ZRANB3: variants seen among roughly 807,000 people sequenced by gnomAD.
ZRANB3 encodes the protein zinc finger RANBP2-type containing 3.
A neutral mutation model predicts 133.8 loss-of-function variants in ZRANB3; 125 were observed. That is an observed-to-expected ratio of 0.93 (90% CI 0.81 to 1.08). The LOEUF (loss-of-function observed/expected upper bound fraction) is 1.08. Among genes scored for constraint, ZRANB3 ranks in the 50% least tolerant of loss-of-function variants. The pLI is 0.00. For synonymous variants in ZRANB3, 387 were observed against 432.7 expected, an observed-to-expected ratio of 0.89 and a Z score of 1.31; for missense variants, 1,229 against 1,275.5, an observed-to-expected ratio of 0.96 and a Z score of 0.56.
chr2:135,355,071 G>A (rs1291047405), intron 3 of ZRANB3, among the ~76,000 whole-genome samples: 1 of 152,164 alleles, frequency 6.6e-6, no homozygotes, highest in African/African-American at 2.4e-5. Flanking sequence ...TTTAAATGCT[G>A]AGCAAAACTA....
intron 2 of ZRANB3, among the ~76,000 whole-genome samples, chr2:135,416,919 A>G (rs1433710781): frequency 2.6e-5 from 4 of 152,210 alleles, no homozygotes; most frequent in African/African-American, 7.2e-5. Context: ...TAAAAAGCTG[A>G]AACTGGATCC....
chr2:135,220,950 G>A (rs555442352), intron 15 of ZRANB3, among the ~76,000 whole-genome samples: 13 of 149,094 alleles, frequency 8.7e-5, no homozygotes, highest in Admixed American at 6.8e-5. Context: ...TGTACCTCCC[G>A]GGTTCAAGCG....
chr2:135,414,366 C>T (rs1295907903), intron 2 of ZRANB3, among the ~76,000 whole-genome samples: 1 of 152,136 alleles, frequency 6.6e-6, no homozygotes, highest in Non-Finnish European at 1.5e-5. Context: ...AAGGCCATTA[C>T]ATGGTGGTAA....
At position 135,275,769 on chromosome 2, in the gene ZRANB3, G is replaced by C; in HGVS notation, c.967-14C>G. On this transcript the variant is annotated splice_polypyrimidine_tract_variant and intron_variant, in intron 8 of 20. Transcript: ENST00000264159. Reference sequence around the variant, plus strand: ...TACAGCACCTGCCTAAATATTAAAAGGTAAACCTTATTAGTGTCATAAAAA... The same window carrying C: ...TACAGCACCTGCCTAAATATTAAAACGTAAACCTTATTAGTGTCATAAAAA... 6.6e-7 allele frequency: 1 copy of C among 1,520,030 alleles called. No individual in the cohort carries two copies. Among genetic ancestry groups the C allele is most frequent in the Non-Finnish European group, 8.9e-7 (1 of 1,129,500 alleles). The allele number at this position is 1,520,030 out of a possible 1,614,324, so 94.2% of individuals were successfully genotyped here. A position where few individuals can be genotyped will look rare whatever the true frequency, so the allele number is the denominator to read the frequency against.
At chr2:135,505,871 T>C (rs1693159352) in intron 1 of ZRANB3, among the ~76,000 whole-genome samples, 1 of 152,296 alleles carries the variant, frequency 6.6e-6, no homozygotes, top group South Asian at 2.1e-4. Context: ...GAAGGATGAT[T>C]AATTATAATA....
At chr2:135,483,575 C>T (rs1206129081) in intron 2 of ZRANB3, among the ~76,000 whole-genome samples, 6 of 151,954 alleles carry the variant, frequency 3.9e-5, no homozygotes, top group African/African-American at 1.2e-4. Context: ...CTCCTGGATT[C>T]ATTAATTTTT....
At chr2:135,340,104 CTTTT>C (rs769541283) in intron 6 of ZRANB3, among the ~76,000 whole-genome samples, 1 of 123,776 alleles carries the variant, frequency 8.1e-6, no homozygotes, top group African/African-American at 2.9e-5. Flanking sequence ...TGTCCCTTTT[CTTTT>C]TTTTTTTTTT....
At chr2:135,405,879 A>C (rs557001494) in intron 2 of ZRANB3, among the ~76,000 whole-genome samples, 3 of 152,336 alleles carry the variant, frequency 2.0e-5, no homozygotes, top group African/African-American at 7.2e-5. Context: ...GAAAGATCTA[A>C]AATTGACACC....
At chr2:135,401,626 G>T (rs1377919644) in intron 2 of ZRANB3, among the ~76,000 whole-genome samples, 3 of 152,058 alleles carry the variant, frequency 2.0e-5, no homozygotes, top group Admixed American at 1.3e-4. Flanking sequence ...GTTAAAATAG[G>T]GTTGACTCAG....
At chr2:135,309,510 C>T (rs1344589734) in intron 8 of ZRANB3, among the ~76,000 whole-genome samples, 1 of 152,222 alleles carries the variant, frequency 6.6e-6, no homozygotes, top group Admixed American at 6.5e-5. Flanking sequence ...CAAAAATCCA[C>T]AAGAACTAAT....
intron 20 of ZRANB3, 43 bp from the exon 21 acceptor site, chr2:135,200,483 G>A: frequency 6.8e-7 from 1 of 1,471,210 alleles, no homozygotes; most frequent in Non-Finnish European, 9.3e-7. Context: ...TAGGAAAAAA[G>A]CACCGGCTAC....
At chr2:135,507,272 G>A (rs1693230303) in intron 1 of ZRANB3, among the ~76,000 whole-genome samples, 1 of 152,172 alleles carries the variant, frequency 6.6e-6, no homozygotes. Context: ...GATTTTCTTT[G>A]AGATGGCTAT....
chr2:135,406,589 C>G (rs922227294), intron 2 of ZRANB3, among the ~76,000 whole-genome samples: 1 of 152,026 alleles, frequency 6.6e-6, no homozygotes, highest in Non-Finnish European at 1.5e-5. Flanking sequence ...ACTGGCAAAC[C>G]GAATCCAGCA....
intron 2 of ZRANB3, among the ~76,000 whole-genome samples, chr2:135,429,413 C>T (rs1689225789): frequency 6.6e-6 from 1 of 152,030 alleles, no homozygotes; most frequent in Non-Finnish European, 1.5e-5. Context: ...GGGAGAGGAT[C>T]AGGTACTATG....
chr2:135,213,083 T>C (rs1324046408), intron 17 of ZRANB3, among the ~76,000 whole-genome samples: 7 of 151,394 alleles, frequency 4.6e-5, no homozygotes, highest in Admixed American at 3.9e-4. Flanking sequence ...TTTATCAATG[T>C]TTCTGGGGGA....
At chr2:135,427,293 A>G (rs564842439) in intron 2 of ZRANB3, among the ~76,000 whole-genome samples, 1 of 152,276 alleles carries the variant, frequency 6.6e-6, no homozygotes, top group African/African-American at 2.4e-5. Flanking sequence ...TGCAGATGAT[A>G]TAATTCTATA....
rs759878656 is a variant in ZRANB3 at position 135,227,847 on chromosome 2, T to C, written c.2123A>G (p.Glu708Gly). Reference sequence around the variant, plus strand: ...CTGGGATGTAAGTCCGTCTTCTTTCTCAATTTTTGGTGTTTCTTCCTTGCT... The same window carrying C: ...CTGGGATGTAAGTCCGTCTTCTTTCCCAATTTTTGGTGTTTCTTCCTTGCT... ...ADSKEETPKI[E>G]KEDGLTSQPG... The change falls in exon 14 of 21, where the codon GAG (glutamate) becomes GGG (glycine). Residue 708 changes from glutamate to glycine, a missense_variant. Coordinates refer to ENST00000264159, the MANE Select transcript of ZRANB3 (RefSeq NM_032143.4). 1.0e-5 allele frequency: 16 copies of C among 1,577,696 alleles called. No homozygotes were observed. In the African/African-American group the frequency reaches 1.3e-4, roughly 13 times the overall value.
At chr2:135,309,817 T>C (rs927952972) in intron 8 of ZRANB3, among the ~76,000 whole-genome samples, 1 of 152,206 alleles carries the variant, frequency 6.6e-6, no homozygotes, top group African/African-American at 2.4e-5. Context: ...TCCAACAAAA[T>C]TGTATACACT....
intron 12 of ZRANB3, among the ~76,000 whole-genome samples, chr2:135,263,205 T>C (rs1680050341): frequency 6.6e-6 from 1 of 152,210 alleles, no homozygotes; most frequent in African/African-American, 2.4e-5. Flanking sequence ...AAATATAGAA[T>C]ATACTGTGTG....
Sources: gnomAD v4.1 joint callset for allele counts (sites outside exome capture counted in the v4.1 genomes callset) on GRCh38, gnomAD v4.1.1 for gene constraint, MANE v1.5 for transcripts, NCBI Gene and HGNC (gene_info 2026-07-23, HGNC 2026-07-21) for gene names.